The following ELP4 variants were observed in gnomAD, a reference collection of about 807,000 sequenced individuals.
ELP4 encodes elongator complex protein 4.
Under a neutral mutation model 48.9 loss-of-function variants are expected in ELP4, and 51 were observed. The observed-to-expected ratio is 1.04, with a 90% CI of 0.83 to 1.32. ELP4 has a LOEUF of 1.32. ELP4 is among the 40% of genes most tolerant of loss of function. The pLI is 0.00. For missense variants in ELP4, 519 were observed against 514.6 expected (o/e 1.01, Z -0.08); for synonymous variants, 210 against 189.2 (o/e 1.11, Z -0.90).
intron 5 of ELP4, among the ~76,000 whole-genome samples, chr11:31,605,537 C>CT (rs1957858588): frequency 6.6e-6 from 1 of 152,042 alleles, no homozygotes; most frequent in South Asian, 2.1e-4. Context: ...GCCATACTGT[C>CT]TCCATTAACA....
intron 9 of ELP4, chr11:31,767,288 C>T (rs2134263175): frequency 6.6e-6 from 1 of 151,990 alleles, no homozygotes; most frequent in East Asian, 1.9e-4. Flanking sequence ...ACCAGAGTGG[C>T]TCTTCTGGCT....
rs1956565151 is a variant in ELP4, at chr11:31,539,874, T to C, written c.381+91T>C. On this transcript the variant is annotated intron_variant, in intron 3 of 9. Transcript: ENST00000640961. ...TAAACAAGATATATGTTTGTATATA[T>C]ACAAACTATATTTAAATGCATTAAC... 11 of 1,065,946 alleles carry C rather than the reference T, an allele frequency of 1.0e-5. No individual in the cohort carries two copies. The South Asian group carries it at 1.5e-4, about 14-fold the overall frequency. The allele number at this position is 1,065,946 out of a possible 1,614,324, so 66.0% of individuals were successfully genotyped here. A position where few individuals can be genotyped will look rare whatever the true frequency, so the allele number is the denominator to read the frequency against.
intron 9 of ELP4, among the ~76,000 whole-genome samples, chr11:31,666,226 C>T (rs1284515957): frequency 6.6e-6 from 1 of 151,786 alleles, no homozygotes; most frequent in Non-Finnish European, 1.5e-5. Flanking sequence ...ACAGGCTGGC[C>T]TTAAACTCCT....
At chr11:31,562,789 T>C (rs1003647476) in intron 3 of ELP4, among the ~76,000 whole-genome samples, 6 of 152,176 alleles carry the variant, frequency 3.9e-5, no homozygotes, top group African/African-American at 1.4e-4. Context: ...TTAAAAACTT[T>C]TTATGCAATA....
chr11:31,740,047 A>G (rs1947411231), intron 9 of ELP4, among the ~76,000 whole-genome samples: 1 of 152,228 alleles, frequency 6.6e-6, no homozygotes. Context: ...AGCTTTAAGA[A>G]AGGTAGTTTT....
chr11:31,616,410 A>C (rs908778427), intron 5 of ELP4, among the ~76,000 whole-genome samples: 1 of 152,104 alleles, frequency 6.6e-6, no homozygotes, highest in Admixed American at 6.6e-5. Flanking sequence ...CCTGTCTTAC[A>C]TCATATGCAA....
At chr11:31,627,879 A>T (rs998941443) in intron 6 of ELP4, among the ~76,000 whole-genome samples, 3 of 152,124 alleles carry the variant, frequency 2.0e-5, no homozygotes, top group Admixed American at 2.0e-4. Context: ...CTAAAGCACC[A>T]TTATTTTTAT....
At chr11:31,547,617 T>C (rs939110504) in intron 3 of ELP4, among the ~76,000 whole-genome samples, 1 of 152,184 alleles carries the variant, frequency 6.6e-6, no homozygotes, top group Non-Finnish European at 1.5e-5. Context: ...AAAGAGGGAA[T>C]GTTCCCTAAC....
rs1171009926 is a variant in ELP4, at chr11:31,790,097, C to CA, written c.*6596dup. 0.27 allele frequency: 38,757 copies of CA among 144,260 alleles called. 10,386 individuals are homozygous for CA. Among genetic ancestry groups the CA allele is most frequent in the East Asian group, 0.37 (1,932 of 5,160 alleles). 8.9% of individuals were successfully genotyped at this position (144,260 alleles called of 1,614,324 possible). On this transcript the variant is annotated 3_prime_UTR_variant, in exon 10 of 10. Transcript: ENST00000640961. ...CATGGAATACAAATTTATAGGTTTA[C>CA]AAAAAAAAAAAAAAAAAAAAAAACT...
At chr11:31,660,649 TG>T (rs1224836098) in intron 9 of ELP4, among the ~76,000 whole-genome samples, 1 of 151,358 alleles carries the variant, frequency 6.6e-6, no homozygotes, top group Non-Finnish European at 1.5e-5. Context: ...CATATGTACT[TG>T]TTTTTTTTTA....
intron 3 of ELP4, among the ~76,000 whole-genome samples, chr11:31,577,401 TAGAAAA>T (rs1366510279): frequency 6.6e-6 from 1 of 151,914 alleles, no homozygotes; most frequent in African/African-American, 2.4e-5. Flanking sequence ...TTCCAATCAA[TAGAAAA>T]AGAGGAAATT....
At chr11:31,774,953 A>C (rs1948215233) in intron 9 of ELP4, among the ~76,000 whole-genome samples, 1 of 152,156 alleles carries the variant, frequency 6.6e-6, no homozygotes, top group Non-Finnish European at 1.5e-5. Flanking sequence ...GCCTGTACCC[A>C]TTCTGTCTTT....
intron 1 of ELP4, chr11:31,510,335 TTTCA>T (rs1175476154): frequency 6.8e-5 from 34 of 498,106 alleles, no homozygotes; most frequent in Non-Finnish European, 1.1e-4. Context: ...ATGGTTTGGC[TTTCA>T]TTCAGGATAC....
At chr11:31,594,941 C>G in intron 4 of ELP4, 40 bp downstream of exon 4, 4 of 1,515,780 alleles carry the variant, frequency 2.6e-6, no homozygotes, top group Non-Finnish European at 3.5e-6. Context: ...TTTGCAAATG[C>G]ATTTGTTTTC....
At chr11:31,573,331 C>T (rs1461054346) in intron 3 of ELP4, among the ~76,000 whole-genome samples, 1 of 152,154 alleles carries the variant, frequency 6.6e-6, no homozygotes, top group Non-Finnish European at 1.5e-5. Context: ...AAAGACACTT[C>T]CACACATTTA....
intron 9 of ELP4, among the ~76,000 whole-genome samples, chr11:31,698,239 T>G (rs1946450930): frequency 6.6e-6 from 1 of 152,326 alleles, no homozygotes; most frequent in African/African-American, 2.4e-5. Flanking sequence ...ATAAGCCTGT[T>G]TTAAATAAAC....
chr11:31,645,040 A>G (rs889163301), intron 7 of ELP4, among the ~76,000 whole-genome samples: 22 of 151,926 alleles, frequency 1.4e-4, no homozygotes, highest in African/African-American at 4.1e-4. Context: ...ATAAATGTGC[A>G]GAAAGCAGTA....
intron 9 of ELP4, among the ~76,000 whole-genome samples, chr11:31,683,925 T>C (rs939251748): frequency 1.3e-5 from 2 of 152,136 alleles, no homozygotes; most frequent in Admixed American, 6.5e-5. Flanking sequence ...CTGGATGAAC[T>C]TTTTCAGTTC....
chr11:31,697,199 C>T (rs1390036596), intron 9 of ELP4, among the ~76,000 whole-genome samples: 1 of 152,172 alleles, frequency 6.6e-6, no homozygotes, highest in Non-Finnish European at 1.5e-5. Flanking sequence ...TAGACTCCCA[C>T]ACAATAAACT....
Sources: gnomAD v4.1 joint callset for allele counts (sites outside exome capture counted in the v4.1 genomes callset) on GRCh38, gnomAD v4.1.1 for gene constraint, MANE v1.5 for transcripts, NCBI Gene and HGNC (gene_info 2026-07-23, HGNC 2026-07-21) for gene names.